Variants in SLC24A3 observed in about 807,000 individuals in gnomAD.
The protein encoded by SLC24A3 is sodium/potassium/calcium exchanger 3.
Under a neutral mutation model 75.8 loss-of-function variants are expected in SLC24A3, and 28 were observed. The observed-to-expected ratio is 0.37, with a 90% CI of 0.27 to 0.51. SLC24A3 has a LOEUF of 0.51. Among genes scored for constraint, SLC24A3 ranks in the 20% least tolerant of loss-of-function variants. SLC24A3 has a pLI of 0.94. For missense variants in SLC24A3, 663 were observed against 847.8 expected (o/e 0.78, Z 2.71); for synonymous variants, 372 against 334.1 (o/e 1.11, Z -1.24).
chr20:19,317,735 A>G (rs1266454314), intron 2 of SLC24A3, among the ~76,000 whole-genome samples: 1 of 152,206 alleles, frequency 6.6e-6, no homozygotes, highest in African/African-American at 2.4e-5. Context: ...TTGCCAGGGA[A>G]ATAGAATTGC....
At chr20:19,368,944 T>C (rs1985943802) in intron 2 of SLC24A3, among the ~76,000 whole-genome samples, 1 of 152,140 alleles carries the variant, frequency 6.6e-6, no homozygotes. Flanking sequence ...AATCTGTGGG[T>C]CCACATGTGA....
At chr20:19,592,769 C>T (rs2031395303) in intron 6 of SLC24A3, among the ~76,000 whole-genome samples, 1 of 148,818 alleles carries the variant, frequency 6.7e-6, no homozygotes, top group Admixed American at 6.7e-5. Flanking sequence ...CTGCCTACAT[C>T]TTCGGCAAAA....
chr20:19,528,522 T>A (rs762290058), intron 3 of SLC24A3, among the ~76,000 whole-genome samples: 3 of 152,186 alleles, frequency 2.0e-5, no homozygotes, highest in Non-Finnish European at 2.9e-5. Flanking sequence ...GAAAATCAGG[T>A]CTACACGTGG....
chr20:19,573,035 A>G (rs1486670658), intron 3 of SLC24A3, among the ~76,000 whole-genome samples: 1 of 152,198 alleles, frequency 6.6e-6, no homozygotes, highest in Admixed American at 6.5e-5. Flanking sequence ...CACCAAGGCC[A>G]CAGTTCTGTA....
Position 19,262,404 on chromosome 20 carries a change from CAA to C in SLC24A3, c.143-18534_143-18533del, listed in dbSNP as rs58691860. Among the ~76,000 whole-genome samples, 452 of 75,742 alleles carry C rather than the reference CAA, an allele frequency of 6.0e-3. 4 individuals are homozygous for C. In the East Asian group the frequency reaches 0.089, roughly 15 times the overall value. The allele number at this position is 75,742 out of a possible 152,430, so 49.7% of individuals were successfully genotyped here. ...TGGGCGACAGAGCGAGACTCCGTCT[CAA>C]AAAAAAAAAAAAAAAAAAAAGAAAG... On this transcript the variant is annotated intron_variant, in intron 1 of 16. Coordinates refer to ENST00000328041, the MANE Select transcript of SLC24A3 (RefSeq NM_020689.4).
intron 12 of SLC24A3, among the ~76,000 whole-genome samples, chr20:19,686,506 G>A (rs1041700267): frequency 1.3e-5 from 2 of 152,234 alleles, no homozygotes; most frequent in African/African-American, 4.8e-5. Context: ...CACATGGACT[G>A]TCAAGTGTGT....
At chr20:19,347,657 TGTTAAAAAATGAGTTCTGTTTGAAA>T (rs1985457456) in intron 2 of SLC24A3, among the ~76,000 whole-genome samples, 3 of 152,314 alleles carry the variant, frequency 2.0e-5, no homozygotes, top group Non-Finnish European at 2.9e-5. Context: ...ATGGTTTGCT[TGTTAAAAAATGAGTTCTGTTTGAAA>T]GACAAAAGGG....
In SLC24A3 at chr20:19,348,721, C is replaced by G. The variant is rs73902318; in HGVS notation, c.271+67634C>G. ...TCAGGGCCCTGACCGCCTGTGTCAC[C>G]TTACAGTCTCCATCCTCCAGGATAT... On this transcript the variant is annotated intron_variant, in intron 2 of 16. Transcript: ENST00000328041. 2.6e-3 allele frequency among the ~76,000 whole-genome samples: 401 copies of G among 152,258 alleles called. 3 individuals carry two copies. The highest frequency in any genetic ancestry group is 9.4e-3 in the African/African-American group (391 of 41,544).
At chr20:19,625,259 A>G (rs2031853467) in intron 6 of SLC24A3, among the ~76,000 whole-genome samples, 1 of 152,200 alleles carries the variant, frequency 6.6e-6, no homozygotes. Flanking sequence ...TTGTTTTGCA[A>G]TCTACTAGAT....
At chr20:19,480,932 C>A (rs1298102026) in intron 2 of SLC24A3, among the ~76,000 whole-genome samples, 2 of 152,168 alleles carry the variant, frequency 1.3e-5, no homozygotes, top group African/African-American at 4.8e-5. Flanking sequence ...ATTGACTACC[C>A]TATTTAATAC....
chr20:19,213,018 G>A, intron 1 of SLC24A3, 34 bp downstream of exon 1: 1 of 1,212,694 alleles, frequency 8.2e-7, no homozygotes, highest in Middle Eastern at 2.7e-4. Context: ...AGTGGGCGCT[G>A]CGGCTCCGGC....
chr20:19,356,769 T>C (rs1985693993), intron 2 of SLC24A3, among the ~76,000 whole-genome samples: 1 of 152,128 alleles, frequency 6.6e-6, no homozygotes, highest in Admixed American at 6.5e-5. Flanking sequence ...TTTCTTCCGA[T>C]AGATTTACAC....
chr20:19,456,294 A>T (rs1016946562), intron 2 of SLC24A3, among the ~76,000 whole-genome samples: 3 of 152,198 alleles, frequency 2.0e-5, no homozygotes, highest in African/African-American at 7.2e-5. Context: ...TTGTATTCCC[A>T]TAATTCCCAT....
At chr20:19,630,059 G>A (rs944855905) in intron 6 of SLC24A3, among the ~76,000 whole-genome samples, 1 of 152,148 alleles carries the variant, frequency 6.6e-6, no homozygotes, top group Non-Finnish European at 1.5e-5. Flanking sequence ...GAATTTAAAA[G>A]ACATAGGTAT....
chr20:19,447,375 T>G (rs932815811), intron 2 of SLC24A3, among the ~76,000 whole-genome samples: 2 of 152,014 alleles, frequency 1.3e-5, no homozygotes, highest in African/African-American at 2.4e-5. Context: ...TGTTGTTTGC[T>G]CTGGAGAATG....
intron 6 of SLC24A3, among the ~76,000 whole-genome samples, chr20:19,647,412 T>G (rs1447474838): frequency 6.6e-6 from 1 of 152,238 alleles, no homozygotes; most frequent in Non-Finnish European, 1.5e-5. Context: ...TCAACAAATT[T>G]GTATCAAGTA....
At chr20:19,521,000 G>C (rs1233266377) in intron 3 of SLC24A3, among the ~76,000 whole-genome samples, 1 of 152,188 alleles carries the variant, frequency 6.6e-6, no homozygotes, top group Non-Finnish European at 1.5e-5. Context: ...GGGAAGGAGG[G>C]AGGCTAGTCA....
intron 6 of SLC24A3, among the ~76,000 whole-genome samples, chr20:19,624,447 A>C (rs2031842594): frequency 6.6e-6 from 1 of 152,236 alleles, no homozygotes; most frequent in African/African-American, 2.4e-5. Context: ...TCAGTTGCAC[A>C]CAAGAACGAA....
intron 2 of SLC24A3, among the ~76,000 whole-genome samples, chr20:19,487,026 AAC>A (rs1988136666): frequency 6.6e-6 from 1 of 152,322 alleles, no homozygotes; most frequent in East Asian, 1.9e-4. Context: ...CAGGTCCTTG[AAC>A]ACAGTTATTT....
Sources: allele counts gnomAD v4.1 joint callset (sites outside exome capture counted in the v4.1 genomes callset), GRCh38; gene constraint gnomAD v4.1.1; transcripts MANE v1.5; gene names NCBI Gene and HGNC (gene_info 2026-07-23, HGNC 2026-07-21).